The following CLSTN1 variants were observed in gnomAD, a reference collection of about 807,000 sequenced individuals.
CLSTN1 encodes calsyntenin 1.
CLSTN1 carries 28 observed loss-of-function variants against 108.3 expected under a neutral mutation model. That is an observed-to-expected ratio of 0.26 (90% CI 0.19 to 0.35). The LOEUF (loss-of-function observed/expected upper bound fraction) is 0.35. CLSTN1 is among the 10% of genes least tolerant of loss of function. The pLI, the probability that CLSTN1 is intolerant of heterozygous loss-of-function variation, is 1.00. For synonymous variants in CLSTN1, 524 were observed against 534.9 expected, an observed-to-expected ratio of 0.98 and a Z score of 0.28; for missense variants, 1,157 against 1,302.6, an observed-to-expected ratio of 0.89 and a Z score of 1.72.
chr1:9,734,213 G>A lies in CLSTN1; in HGVS notation c.2111-71C>T. The A allele has an allele frequency of 6.7e-7, 1 of 1,482,226 alleles. No homozygotes were observed. The highest frequency in any genetic ancestry group is 9.3e-7 in the Non-Finnish European group (1 of 1,076,354). 91.8% of individuals were successfully genotyped at this position (1,482,226 alleles called of 1,614,324 possible). A position where few individuals can be genotyped will look rare whatever the true frequency, so the allele number is the denominator to read the frequency against. ...CCCAGCGTGGCGGGGCACACTGGATGCCCTGCCGGCTCACCCCAAACCTAC... is the reference window on the plus strand; with the variant it reads ...CCCAGCGTGGCGGGGCACACTGGATACCCTGCCGGCTCACCCCAAACCTAC... On this transcript the variant is annotated intron_variant, in intron 14 of 18. Coordinates refer to ENST00000377298, the MANE Select transcript of CLSTN1 (RefSeq NM_001009566.3). This position sits in a 1 kb window ranked among gnomAD's most constrained non-coding sequence, Gnocchi z 4.8.
chr1:9,730,770 T>A lies in CLSTN1; in HGVS notation c.2749-65A>T. The A allele has an allele frequency of 7.0e-7, 1 of 1,435,800 alleles. No individual in the cohort carries two copies. Among genetic ancestry groups the A allele is most frequent in the Middle Eastern group, 1.7e-4 (1 of 5,770 alleles). 88.9% of individuals were successfully genotyped at this position (1,435,800 alleles called of 1,614,324 possible). The stretch of plus-strand genomic sequence containing the variant: ...CCCACAGCCCCGTCACCTGGCATTC[T>A]CCTCTCGACAGCCACAGAGGAAGGA... On this transcript the variant is annotated intron_variant, in intron 18 of 18. Coordinates refer to ENST00000377298, the MANE Select transcript of CLSTN1 (RefSeq NM_001009566.3). The surrounding 1 kb of genome is among the most constrained non-coding windows in gnomAD (Gnocchi z 5.6).
At chr1:9,780,972 T>G in intron 1 of CLSTN1, 1 of 457,400 alleles carries the variant, frequency 2.2e-6, no homozygotes, top group Non-Finnish European at 3.9e-6. Context: ...TGTGGAATTT[T>G]CCACTGTGGT....
intron 1 of CLSTN1, among the ~76,000 whole-genome samples, chr1:9,822,119 A>T (rs1270451092): frequency 6.6e-6 from 1 of 152,250 alleles, no homozygotes. Flanking sequence ...ACATATTTTT[A>T]AAATGTGTGG....
intron 1 of CLSTN1, among the ~76,000 whole-genome samples, chr1:9,790,319 C>A (rs1469018871): frequency 6.6e-6 from 1 of 151,376 alleles, no homozygotes; most frequent in Non-Finnish European, 1.5e-5. Context: ...CCCCTCTATT[C>A]CTAACTTTGA....
Position 9,735,540 on chromosome 1 carries a change from G to A in CLSTN1, c.1810C>T (p.His604Tyr), listed in dbSNP as rs143807802. 14 of 1,614,048 alleles carry A rather than the reference G, an allele frequency of 8.7e-6. No homozygotes were observed. The highest frequency in any genetic ancestry group is 1.2e-5 in the Non-Finnish European group (14 of 1,180,028). The part of the protein sequence containing the change: ...DLGELDKAMQ[H>Y]ISYLNSRQFP... ...TGCCGGGAGTTCAGGTACGAGATGT[G>A]CTGCATGGCCTTATCCAATTCCCCG... is the stretch of plus-strand genomic sequence containing the variant. The change falls in exon 13 of 19, where the codon CAC (histidine) becomes TAC (tyrosine). Residue 604 changes from histidine (H) to tyrosine (Y), a missense_variant. Coordinates refer to ENST00000377298, the MANE Select transcript of CLSTN1 (RefSeq NM_001009566.3).
intron 11 of CLSTN1, among the ~76,000 whole-genome samples, chr1:9,737,029 C>T (rs777561266): frequency 6.6e-6 from 1 of 151,916 alleles, no homozygotes; most frequent in Non-Finnish European, 1.5e-5. Flanking sequence ...GCCAAGACCG[C>T]GCCACTGCAC....
chr1:9,752,705 T>C (rs1220801201), intron 4 of CLSTN1, among the ~76,000 whole-genome samples: 1 of 151,790 alleles, frequency 6.6e-6, no homozygotes, highest in Non-Finnish European at 1.5e-5. Flanking sequence ...CTACCAAAAA[T>C]ACAAAAATTA....
rs1217995354 is a variant in CLSTN1, at chr1:9,741,092, A to G, written c.1519+2T>C. The G allele has an allele frequency of 6.2e-7, 1 of 1,612,630 alleles. No individual in the cohort carries two copies. The highest frequency in any genetic ancestry group is 8.5e-7 in the Non-Finnish European group (1 of 1,179,180). ...TCGAGGGCGGGGGGTAATGACAGGT[A>G]CCTTGCCAGCAAGCCCCCACCACGA... On this transcript the variant is annotated splice_donor_variant, in intron 10 of 18. Coordinates refer to ENST00000377298, the MANE Select transcript of CLSTN1 (RefSeq NM_001009566.3). LOFTEE classifies it high-confidence loss of function.
chr1:9,807,867 G>C (rs910030059), intron 1 of CLSTN1, among the ~76,000 whole-genome samples: 6 of 152,330 alleles, frequency 3.9e-5, no homozygotes, highest in Admixed American at 6.5e-5. Context: ...TCACTGGCTC[G>C]GTCACCTAGG....
At chr1:9,822,289 T>G (rs982082949) in intron 1 of CLSTN1, among the ~76,000 whole-genome samples, 1 of 152,228 alleles carries the variant, frequency 6.6e-6, no homozygotes, top group East Asian at 1.9e-4. Context: ...AAGATCTGAA[T>G]TTGACAGAGT....
At chr1:9,735,819 C>T (rs1650656206) in intron 12 of CLSTN1, 66 bp downstream of exon 12, 1 of 1,588,834 alleles carries the variant, frequency 6.3e-7, no homozygotes, top group Admixed American at 1.7e-5. Context: ...TCCCTCATCC[C>T]ACCAGCCTCC....
At chr1:9,744,675 G>A in intron 7 of CLSTN1, 32 bp from the exon 8 acceptor site, 1 of 1,580,536 alleles carries the variant, frequency 6.3e-7, no homozygotes, top group Non-Finnish European at 8.6e-7. Flanking sequence ...AAACTCATGT[G>A]AGGAGCCAGA....
intron 2 of CLSTN1, among the ~76,000 whole-genome samples, chr1:9,768,559 G>A (rs1325476406): frequency 7.4e-6 from 1 of 134,500 alleles, no homozygotes; most frequent in Admixed American, 7.4e-5. Context: ...TCTGTGCTGG[G>A]TGGCACCATG....
At chr1:9,763,643 G>C (rs989680611) in intron 2 of CLSTN1, among the ~76,000 whole-genome samples, 2 of 152,184 alleles carry the variant, frequency 1.3e-5, no homozygotes, top group African/African-American at 2.4e-5. Flanking sequence ...CAGGGCCCCA[G>C]GTGATCCAGA....
In CLSTN1 at chr1:9,751,495, C is replaced by T; in HGVS notation, c.627G>A (p.Val209=). Residue 209 remains valine (V), a synonymous_variant, in exon 5 of 19, where the codon GTG becomes GTA. Coordinates refer to ENST00000377298, the MANE Select transcript of CLSTN1 (RefSeq NM_001009566.3). ...ICSYEIITPD[V]PFTVDKDGYI... is the part of the protein sequence containing the mutation. Reference sequence around the variant, plus strand: ...TACCATCTTTGTCAACAGTAAAGGGCACGTCTGGAGTGATGATTTCGTAGC... The same window carrying T: ...TACCATCTTTGTCAACAGTAAAGGGTACGTCTGGAGTGATGATTTCGTAGC... 6.2e-7 allele frequency: 1 copy of T among 1,614,104 alleles called. No homozygotes were observed. Among genetic ancestry groups the T allele is most frequent in the Non-Finnish European group, 8.5e-7 (1 of 1,180,018 alleles).
intron 1 of CLSTN1, among the ~76,000 whole-genome samples, chr1:9,774,702 T>C (rs1301333727): frequency 6.7e-6 from 1 of 149,294 alleles, no homozygotes; most frequent in Non-Finnish European, 1.5e-5. Flanking sequence ...CCCGAGACAG[T>C]GTTACTGAAC....
Position 9,766,430 on chromosome 1 carries a change from G to A in CLSTN1, c.214+6842C>T, listed in dbSNP as rs150365787. ...TCCCAGCACTTTAGGAGGCCAAGGC[G>A]GAGGATCACTTGAGGCCAGGAGTTC... On this transcript the variant is annotated intron_variant, in intron 2 of 18. Coordinates refer to ENST00000377298, the MANE Select transcript of CLSTN1 (RefSeq NM_001009566.3). 9.1e-3 allele frequency among the ~76,000 whole-genome samples: 1,378 copies of A among 152,232 alleles called. 27 individuals are homozygous for A. The highest frequency in any genetic ancestry group is 0.032 in the African/African-American group (1,311 of 41,530).
At chr1:9,739,820 T>C (rs1363238418) in intron 10 of CLSTN1, among the ~76,000 whole-genome samples, 1 of 149,254 alleles carries the variant, frequency 6.7e-6, no homozygotes. Context: ...GGGCATTTTT[T>C]TTTTTTTTTT....
In CLSTN1 at chr1:9,734,334, G is replaced by A. The variant is rs549048035; in HGVS notation, c.2111-192C>T. On this transcript the variant is annotated intron_variant, in intron 14 of 18. Transcript: ENST00000377298. This position sits in a 1 kb window ranked among gnomAD's most constrained non-coding sequence, Gnocchi z 4.8. ...TCACGCCTGTAATCCCAGCACTTTGGGAGGCCAAGACGGGTGGATCACCTG... is the reference window on the plus strand; with the variant it reads ...TCACGCCTGTAATCCCAGCACTTTGAGAGGCCAAGACGGGTGGATCACCTG... 1.6e-4 allele frequency among the ~76,000 whole-genome samples: 24 copies of A among 152,290 alleles called. No individual in the cohort carries two copies. Among genetic ancestry groups the A allele is most frequent in the Admixed American group, 9.8e-4 (15 of 15,302 alleles).
Sources: allele counts gnomAD v4.1 joint callset (sites outside exome capture counted in the v4.1 genomes callset), GRCh38; gene constraint gnomAD v4.1.1; non-coding constraint Gnocchi (gnomAD v3.1); transcripts MANE v1.5; gene names NCBI Gene and HGNC (gene_info 2026-07-23, HGNC 2026-07-21).